Variants in PDE1A observed in about 807,000 individuals in gnomAD.
The protein encoded by PDE1A is dual specificity calcium/calmodulin-dependent 3',5'-cyclic nucleotide phosphodiesterase 1A.
Under a neutral mutation model 61.7 loss-of-function variants are expected in PDE1A, and 35 were observed. The ratio of observed to expected loss-of-function variants is 0.57; its 90% CI spans 0.43 to 0.75. The LOEUF is 0.75. Among genes scored for constraint, PDE1A ranks in the 30% least tolerant of loss-of-function variants. The pLI is 0.00. For missense variants in PDE1A, 597 were observed against 630.6 expected (o/e 0.95, Z 0.57); for synonymous variants, 232 against 213.2 (o/e 1.09, Z -0.77).
downstream of PDE1A, among the ~76,000 whole-genome samples, chr2:182,144,087 T>A (rs1334867383): frequency 2.0e-5 from 3 of 152,212 alleles, no homozygotes; most frequent in Admixed American, 2.0e-4. Context: ...CCAAAAGATA[T>A]TTTAAATCAG....
At chr2:182,488,261 T>C (rs1688149586) in intron 2 of PDE1A, among the ~76,000 whole-genome samples, 1 of 152,228 alleles carries the variant, frequency 6.6e-6, no homozygotes, top group Admixed American at 6.5e-5. Flanking sequence ...TTTGGTTCAA[T>C]TAAAATGACT....
the PDE1A span, among the ~76,000 whole-genome samples, chr2:182,642,679 C>G: frequency 1.3e-5 from 2 of 152,158 alleles, no homozygotes; most frequent in Non-Finnish European, 2.9e-5. Flanking sequence ...TGAAGTTTAT[C>G]TATACATTTT....
chr2:182,223,890 T>C (rs751239479), exon 7 of PDE1A: 5 of 1,591,320 alleles, frequency 3.1e-6, no homozygotes, highest in Non-Finnish European at 4.3e-6. Flanking sequence ...AGTTGTTTGT[T>C]GTCCCTGTAT....
At chr2:182,259,007 C>G (rs1429486187) in intron 2 of PDE1A, among the ~76,000 whole-genome samples, 1 of 152,126 alleles carries the variant, frequency 6.6e-6, no homozygotes, top group Non-Finnish European at 1.5e-5. Flanking sequence ...ACCAGTGTGT[C>G]TGGTATTCAT....
intron 1 of PDE1A, among the ~76,000 whole-genome samples, chr2:182,388,724 A>G (rs1701258557): frequency 6.6e-6 from 1 of 152,140 alleles, no homozygotes; most frequent in Non-Finnish European, 1.5e-5. Context: ...AACATCTCAA[A>G]CAATCTAGCA....
At chr2:182,524,433 T>C (rs984848655), upstream of PDE1A, among the ~76,000 whole-genome samples, 3 of 152,158 alleles carry the variant, frequency 2.0e-5, no homozygotes, top group Non-Finnish European at 4.4e-5. Context: ...AGAACTATTC[T>C]ACTTAAGTAT....
At chr2:182,367,072 C>T (rs1282336852) in intron 1 of PDE1A, among the ~76,000 whole-genome samples, 1 of 151,416 alleles carries the variant, frequency 6.6e-6, no homozygotes, top group Non-Finnish European at 1.5e-5. Flanking sequence ...CTAATGCAGG[C>T]AAAAATATAG....
chr2:182,255,808 C>A lies in PDE1A; in HGVS notation c.167+8493G>T, dbSNP rs1162389641. Among the ~76,000 whole-genome samples the A allele has an allele frequency of 2.0e-5, 3 of 151,814 alleles. No homozygotes were observed. The East Asian group carries it at 5.8e-4, about 29-fold the overall frequency. On this transcript the variant is annotated intron_variant, in intron 2 of 13. Transcript: ENST00000351439. ...AAGTAGCTGGGACTACAGGTGTGCA[C>A]TAGCGCACCTAGCTAATTTTTGTAT...
chr2:182,164,251 CCTT>C (rs1283359140), downstream of PDE1A, among the ~76,000 whole-genome samples: 2 of 152,054 alleles, frequency 1.3e-5, no homozygotes, highest in Non-Finnish European at 2.9e-5. Context: ...AGTCCTCACT[CCTT>C]CTACACTGCC....
At chr2:182,639,190 T>C in the PDE1A span, among the ~76,000 whole-genome samples, 4 of 151,886 alleles carry the variant, frequency 2.6e-5, no homozygotes, top group African/African-American at 9.7e-5. Flanking sequence ...AAGGCGAAAA[T>C]ACAAGAAGGC....
intron 2 of PDE1A, among the ~76,000 whole-genome samples, chr2:182,482,336 T>C (rs1179832903): frequency 6.6e-6 from 1 of 151,930 alleles, no homozygotes; most frequent in African/African-American, 2.4e-5. Context: ...ACCTTTAACT[T>C]AATTTTTAAA....
intron 13 of PDE1A, among the ~76,000 whole-genome samples, chr2:182,176,070 C>T (rs1692741710): frequency 6.7e-6 from 1 of 149,530 alleles, no homozygotes; most frequent in Non-Finnish European, 1.5e-5. Flanking sequence ...CAGTACCATG[C>T]TATTTTGGTT....
chr2:182,512,446 C>A (rs982144984), intron 2 of PDE1A, among the ~76,000 whole-genome samples: 2 of 152,176 alleles, frequency 1.3e-5, no homozygotes, highest in South Asian at 2.1e-4. Context: ...AAGCAAAAAG[C>A]CCCATCCAAA....
the PDE1A span, among the ~76,000 whole-genome samples, chr2:182,655,079 C>T: frequency 2.0e-5 from 3 of 152,130 alleles, no homozygotes; most frequent in African/African-American, 7.2e-5. Context: ...TCAACCATAG[C>T]GTAAAGAGGA....
the PDE1A span, among the ~76,000 whole-genome samples, chr2:182,575,096 T>G: frequency 2.0e-5 from 3 of 152,294 alleles, no homozygotes; most frequent in Middle Eastern, 3.4e-3. Context: ...TGTATTCCCT[T>G]TGCTTTAAGC....
intron 10 of PDE1A, among the ~76,000 whole-genome samples, chr2:182,193,335 T>C (rs1372095692): frequency 2.0e-5 from 3 of 152,070 alleles, no homozygotes; most frequent in Non-Finnish European, 4.4e-5. Flanking sequence ...GGGTAAAGTA[T>C]AGAAATCTTG....
intron 1 of PDE1A, among the ~76,000 whole-genome samples, chr2:182,416,491 A>T (rs1165467200): frequency 6.6e-6 from 1 of 152,174 alleles, no homozygotes; most frequent in African/African-American, 2.4e-5. Flanking sequence ...TTAAACTCAC[A>T]TCATCACAGT....
chr2:182,149,168 A>G (rs1466833979), intron 13 of PDE1A, among the ~76,000 whole-genome samples: 2 of 152,210 alleles, frequency 1.3e-5, no homozygotes, highest in South Asian at 4.1e-4. Flanking sequence ...CTGAATTACA[A>G]GAAAGAAATA....
chr2:182,423,411 C>T (rs1703403673), intron 1 of PDE1A, among the ~76,000 whole-genome samples: 1 of 152,124 alleles, frequency 6.6e-6, no homozygotes, highest in South Asian at 2.1e-4. Context: ...CCTCCCAAGC[C>T]TCCTAATATC....
Sources: gnomAD v4.1 joint callset for allele counts (sites outside exome capture counted in the v4.1 genomes callset) on GRCh38, gnomAD v4.1.1 for gene constraint, MANE v1.5 for transcripts, NCBI Gene and HGNC (gene_info 2026-07-23, HGNC 2026-07-21) for gene names.